Variants in SHISA9 observed in about 807,000 individuals in gnomAD.
SHISA9 encodes the protein shisa family member 9, also known as protein shisa-9.
Under a neutral mutation model 38.0 loss-of-function variants are expected in SHISA9, and 13 were observed. The ratio of observed to expected loss-of-function variants is 0.34; its 90% CI spans 0.22 to 0.54. The LOEUF (loss-of-function observed/expected upper bound fraction) is 0.54, where lower values mean the gene tolerates loss of function less well. Among genes scored for constraint, SHISA9 ranks in the 20% least tolerant of loss-of-function variants. The probability of loss-of-function intolerance (pLI) is 0.91; values close to 1 mark genes in which losing one functional copy is unlikely to be tolerated. For missense variants in SHISA9, 538 were observed against 575.8 expected, an observed-to-expected ratio of 0.93 and a Z score of 0.67; for synonymous variants, 275 against 242.0, an observed-to-expected ratio of 1.14 and a Z score of -1.27.
chr16:13,329,189 A>T, the SHISA9 span, among the ~76,000 whole-genome samples: 1,125 of 152,292 alleles, frequency 7.4e-3, 5 homozygotes, highest in Non-Finnish European at 0.011. Flanking sequence ...AATCACACAC[A>T]GCCTCCTCAA....
chr16:13,370,283 C>G, the SHISA9 span, among the ~76,000 whole-genome samples: 1 of 152,092 alleles, frequency 6.6e-6, no homozygotes, highest in Non-Finnish European at 1.5e-5. Context: ...CAGATACAAA[C>G]CTCAGTGGGA....
chr16:12,978,394 T>A (rs1035936164), intron 2 of SHISA9, among the ~76,000 whole-genome samples: 4 of 152,218 alleles, frequency 2.6e-5, no homozygotes, highest in African/African-American at 9.6e-5. Flanking sequence ...AAGGAGTAGA[T>A]GTTGATTGTA....
chr16:13,036,804 A>C (rs1248856428), intron 2 of SHISA9, among the ~76,000 whole-genome samples: 1 of 151,536 alleles, frequency 6.6e-6, no homozygotes, highest in African/African-American at 2.4e-5. Context: ...CAGCACCCCC[A>C]GTACTAAATG....
the SHISA9 span, among the ~76,000 whole-genome samples, chr16:13,260,930 G>A: frequency 2.6e-5 from 4 of 152,140 alleles, no homozygotes; most frequent in Admixed American, 6.5e-5. Context: ...GGCAGGAGGC[G>A]AAAGGCACTT....
chr16:13,488,288 A>C, the SHISA9 span, among the ~76,000 whole-genome samples: 2 of 152,140 alleles, frequency 1.3e-5, no homozygotes, highest in African/African-American at 2.4e-5. Flanking sequence ...TATGTCAAAG[A>C]ATGTGAAATG....
At chr16:12,902,756 T>A in intron 1 of SHISA9, 129 bp downstream of exon 1, 2 of 1,035,718 alleles carry the variant, frequency 1.9e-6, no homozygotes, top group Non-Finnish European at 2.7e-6. Flanking sequence ...CGCTGGGGGA[T>A]GTCACCGGGA....
the SHISA9 span, among the ~76,000 whole-genome samples, chr16:13,345,215 G>C: frequency 2.6e-5 from 4 of 151,982 alleles, no homozygotes; most frequent in Admixed American, 2.0e-4. Context: ...CAGGTATTAA[G>C]CCTAATACCC....
the SHISA9 span, among the ~76,000 whole-genome samples, chr16:13,283,450 G>C: frequency 4.6e-5 from 7 of 152,202 alleles, no homozygotes; most frequent in East Asian, 1.4e-3. Flanking sequence ...GTTCCAAATG[G>C]CTGGGGAGGC....
At chr16:13,506,504 C>T in the SHISA9 span, among the ~76,000 whole-genome samples, 57 of 152,190 alleles carry the variant, frequency 3.7e-4, no homozygotes, top group African/African-American at 9.6e-4. Flanking sequence ...ATTTCAAAGA[C>T]GACGGTTGCA....
chr16:12,903,858 AAG>A (rs1407841058), intron 1 of SHISA9, among the ~76,000 whole-genome samples: 1 of 152,172 alleles, frequency 6.6e-6, no homozygotes, highest in Non-Finnish European at 1.5e-5. Context: ...AATCTGAACA[AAG>A]AGACCCACCA....
chr16:13,313,205 A>T, the SHISA9 span, among the ~76,000 whole-genome samples: 1 of 146,696 alleles, frequency 6.8e-6, no homozygotes, highest in Non-Finnish European at 1.5e-5. Flanking sequence ...CAGTGAGCCG[A>T]GATCCCGCCA....
chr16:13,367,722 A>G, the SHISA9 span, among the ~76,000 whole-genome samples: 94 of 132,402 alleles, frequency 7.1e-4, 1 homozygote, highest in East Asian at 0.01. Context: ...GCACACACAC[A>G]CACACACACA....
chr16:13,133,001 G>A (rs2050318886), intron 2 of SHISA9, among the ~76,000 whole-genome samples: 1 of 152,110 alleles, frequency 6.6e-6, no homozygotes, highest in Non-Finnish European at 1.5e-5. Flanking sequence ...ACAGAGACAG[G>A]CAAAGCCATC....
chr16:13,117,108 G>A (rs1428515681), intron 2 of SHISA9, among the ~76,000 whole-genome samples: 3 of 152,124 alleles, frequency 2.0e-5, no homozygotes, highest in Admixed American at 6.5e-5. Context: ...GAGTAGCTGG[G>A]ATTACAGGCC....
intron 2 of SHISA9, among the ~76,000 whole-genome samples, chr16:13,075,221 T>A (rs1173755431): frequency 1.3e-5 from 2 of 152,202 alleles, no homozygotes; most frequent in African/African-American, 4.8e-5. Flanking sequence ...GACATGGGAA[T>A]TTCCTAATCA....
chr16:13,214,527 C>T lies in SHISA9; in HGVS notation c.895+1227C>T, dbSNP rs151027079. Among the ~76,000 whole-genome samples, 617 of 152,130 alleles carry T rather than the reference C, an allele frequency of 4.1e-3. 34 individuals are homozygous for T. The East Asian group carries it at 0.096, about 24-fold the overall frequency. Reference sequence around the variant, plus strand: ...GGCCAGTAGAACTCTTTAATGAGCTCGAACTGGGGAAAATTAGGAGACATT... The same window carrying T: ...GGCCAGTAGAACTCTTTAATGAGCTTGAACTGGGGAAAATTAGGAGACATT... On this transcript the variant is annotated intron_variant, in intron 4 of 4. Coordinates refer to ENST00000558583, the MANE Select transcript of SHISA9 (RefSeq NM_001145204.3).
At chr16:13,517,406 G>A in the SHISA9 span, among the ~76,000 whole-genome samples, 2 of 152,140 alleles carry the variant, frequency 1.3e-5, no homozygotes, top group African/African-American at 4.8e-5. Flanking sequence ...AAACGAATAT[G>A]GTTAGGTCAC....
the SHISA9 span, among the ~76,000 whole-genome samples, chr16:13,304,339 G>A: frequency 6.6e-6 from 1 of 152,208 alleles, no homozygotes; most frequent in Admixed American, 6.5e-5. Context: ...GCTCACCGTG[G>A]CCTCAATCTC....
At chr16:13,281,257 C>G in the SHISA9 span, among the ~76,000 whole-genome samples, 3 of 151,678 alleles carry the variant, frequency 2.0e-5, no homozygotes, top group African/African-American at 7.2e-5. Flanking sequence ...CTTTAAAATT[C>G]TTTGTCATGA....
Sources: allele counts gnomAD v4.1 joint callset (sites outside exome capture counted in the v4.1 genomes callset), GRCh38; gene constraint gnomAD v4.1.1; transcripts MANE v1.5; gene names NCBI Gene and HGNC (gene_info 2026-07-23, HGNC 2026-07-21).